The following SLC24A2 variants were observed in gnomAD, a reference collection of about 807,000 sequenced individuals.
The protein encoded by SLC24A2 is sodium/potassium/calcium exchanger 2.
A neutral mutation model predicts 62.0 loss-of-function variants in SLC24A2; 36 were observed. The ratio of observed to expected loss-of-function variants is 0.58; its 90% CI spans 0.44 to 0.77. SLC24A2 has a LOEUF of 0.77. Ranked by LOEUF, SLC24A2 falls within the 30% of genes least tolerant of loss-of-function variation. SLC24A2 has a pLI of 0.00. For synonymous variants in SLC24A2, 358 were observed against 294.0 expected (o/e 1.22, Z -2.23); for missense variants, 846 against 817.9 (o/e 1.03, Z -0.42).
intron 2 of SLC24A2, among the ~76,000 whole-genome samples, chr9:19,736,251 A>G (rs1010737469): frequency 1.3e-5 from 2 of 152,160 alleles, no homozygotes; most frequent in Non-Finnish European, 1.5e-5. Flanking sequence ...AGTAGCAAAA[A>G]AAGGAGAGAA....
At chr9:19,881,320 T>G in the SLC24A2 span, among the ~76,000 whole-genome samples, 1 of 152,020 alleles carries the variant, frequency 6.6e-6, no homozygotes, top group Non-Finnish European at 1.5e-5. Context: ...TCCCCAGAAG[T>G]CAACTGAAAA....
the SLC24A2 span, among the ~76,000 whole-genome samples, chr9:20,150,589 C>G: frequency 7.3e-6 from 1 of 137,270 alleles, no homozygotes; most frequent in African/African-American, 3.6e-5. Context: ...ACTACAAACT[C>G]TATTTCTAGG....
chr9:20,074,557 G>GGAAT, the SLC24A2 span, among the ~76,000 whole-genome samples: 1 of 19,168 alleles, frequency 5.2e-5, no homozygotes, highest in Non-Finnish European at 2.0e-4. Flanking sequence ...GAAGAAGGCA[G>GGAAT]GAAGGAAGGA....
At chr9:19,776,288 C>G (rs970028365) in intron 2 of SLC24A2, among the ~76,000 whole-genome samples, 2 of 152,238 alleles carry the variant, frequency 1.3e-5, no homozygotes, top group African/African-American at 2.4e-5. Context: ...TGAAATCAGA[C>G]AGGCTCAAGT....
At chr9:19,564,985 T>C (rs1003062449) in intron 7 of SLC24A2, among the ~76,000 whole-genome samples, 6 of 152,160 alleles carry the variant, frequency 3.9e-5, no homozygotes, top group African/African-American at 1.4e-4. Context: ...GCATATTGCC[T>C]TGAATTGTCT....
the SLC24A2 span, among the ~76,000 whole-genome samples, chr9:20,019,372 G>T: frequency 3.3e-5 from 5 of 152,162 alleles, no homozygotes; most frequent in East Asian, 9.7e-4. Context: ...TATAAGGAAG[G>T]GGTCCAGTTT....
chr9:19,786,013 T>C lies in SLC24A2; in HGVS notation c.854A>G (p.Gln285Arg). The stretch of plus-strand genomic sequence containing the variant: ...CATTTGCTTCACCCATTTTTCTACT[T>C]GGACGTTGAATTTCATGAAAACCAC... The part of the protein sequence containing the change: ...CYVVFMKFNV[Q>R]VEKWVKQMIN... The change falls in exon 2 of 11, where the codon CAA becomes CGA. Residue 285 changes from glutamine (Q) to arginine (R), a missense_variant. Transcript: ENST00000341998. This position sits in a 1 kb window ranked among gnomAD's most constrained non-coding sequence, Gnocchi z 5.0. 2 of 1,614,142 alleles carry C rather than the reference T, an allele frequency of 1.2e-6. No homozygotes were observed. Among genetic ancestry groups the C allele is most frequent in the Non-Finnish European group, 1.7e-6 (2 of 1,179,962 alleles).
the SLC24A2 span, among the ~76,000 whole-genome samples, chr9:19,993,698 A>G: frequency 6.6e-6 from 1 of 152,188 alleles, no homozygotes; most frequent in Non-Finnish European, 1.5e-5. Context: ...TCTTGGTCTG[A>G]GAGTGTGCAG....
the SLC24A2 span, among the ~76,000 whole-genome samples, chr9:20,262,946 C>A: frequency 2.2e-4 from 34 of 152,226 alleles, no homozygotes; most frequent in South Asian, 6.2e-3. Flanking sequence ...CTTCCCAATG[C>A]TTGGCAGAGC....
the SLC24A2 span, among the ~76,000 whole-genome samples, chr9:20,185,340 ATAT>A: frequency 6.6e-6 from 1 of 152,078 alleles, no homozygotes; most frequent in African/African-American, 2.4e-5. Context: ...AATATATACA[ATAT>A]TATTTGTTAA....
At chr9:20,218,571 A>G in the SLC24A2 span, among the ~76,000 whole-genome samples, 8 of 152,170 alleles carry the variant, frequency 5.3e-5, no homozygotes, top group Non-Finnish European at 1.0e-4. Flanking sequence ...TTTATGAATG[A>G]GAAATTTATA....
intron 2 of SLC24A2, among the ~76,000 whole-genome samples, chr9:19,668,494 C>T (rs1442239740): frequency 2.0e-5 from 3 of 152,208 alleles, no homozygotes; most frequent in African/African-American, 7.2e-5. Flanking sequence ...TCTCCTCTAC[C>T]TGTAGAATTC....
At chr9:19,953,956 C>T in the SLC24A2 span, among the ~76,000 whole-genome samples, 2 of 151,500 alleles carry the variant, frequency 1.3e-5, no homozygotes, top group Non-Finnish European at 2.9e-5. Flanking sequence ...TATTGAATAT[C>T]TCTACTTTTT....
chr9:19,798,355 A>G, the SLC24A2 span, among the ~76,000 whole-genome samples: 1 of 152,208 alleles, frequency 6.6e-6, no homozygotes, highest in African/African-American at 2.4e-5. Flanking sequence ...TTTATAGAAC[A>G]AAATAATTCC....
the SLC24A2 span, among the ~76,000 whole-genome samples, chr9:20,207,833 GA>G: frequency 6.6e-6 from 1 of 152,232 alleles, no homozygotes; most frequent in African/African-American, 2.4e-5. Flanking sequence ...CAGTGGGGGA[GA>G]GGGGGATCTA....
intron 2 of SLC24A2, among the ~76,000 whole-genome samples, chr9:19,671,935 T>C (rs1379409886): frequency 1.4e-5 from 2 of 146,510 alleles, no homozygotes; most frequent in African/African-American, 2.7e-5. Flanking sequence ...TTTTTTGATA[T>C]GCTTTTGGGT....
the SLC24A2 span, among the ~76,000 whole-genome samples, chr9:20,051,420 A>G: frequency 5.9e-5 from 9 of 152,098 alleles, no homozygotes; most frequent in Non-Finnish European, 1.3e-4. Context: ...TATATATCTC[A>G]GTATTTGATA....
At chr9:20,203,900 G>C in the SLC24A2 span, among the ~76,000 whole-genome samples, 2 of 152,136 alleles carry the variant, frequency 1.3e-5, no homozygotes, top group Non-Finnish European at 1.5e-5. Flanking sequence ...TATTCTTTGA[G>C]TATTTATTCA....
chr9:19,607,679 A>G (rs993305109), intron 4 of SLC24A2, among the ~76,000 whole-genome samples: 4 of 145,724 alleles, frequency 2.7e-5, no homozygotes, highest in African/African-American at 5.1e-5. Flanking sequence ...AGATCGTGCC[A>G]CTGCATTCCA....
Sources: gnomAD v4.1 joint callset for allele counts (sites outside exome capture counted in the v4.1 genomes callset) on GRCh38, gnomAD v4.1.1 for gene constraint, Gnocchi (gnomAD v3.1) non-coding constraint, MANE v1.5 for transcripts, NCBI Gene and HGNC (gene_info 2026-07-23, HGNC 2026-07-21) for gene names.